The following SMAD4 variants were observed in gnomAD, a reference collection of about 807,000 sequenced individuals.
SMAD4 encodes MAD homolog 4.
Under a neutral mutation model 63.2 loss-of-function variants are expected in SMAD4, and 7 were observed. The observed-to-expected ratio is 0.11, with a 90% CI of 0.06 to 0.21. SMAD4 has a LOEUF of 0.21. SMAD4 is among the 10% of genes least tolerant of loss of function. The probability of loss-of-function intolerance (pLI) is 1.00; values close to 1 mark genes in which losing one functional copy is unlikely to be tolerated. For missense variants in SMAD4, 312 were observed against 693.8 expected (o/e 0.45, Z 6.18); for synonymous variants, 215 against 235.4 (o/e 0.91, Z 0.79).
At position 51,046,911 on chromosome 18, in the gene SMAD4, C is replaced by G; in HGVS notation, c.-127-9C>G. ...TCTGATGTGTGTCTTTTTTTTTTTT[C>G]TTTTTTAGGTTATCCTGAATACATG... On this transcript the variant is annotated splice_polypyrimidine_tract_variant and intron_variant, in intron 1 of 11. Coordinates refer to ENST00000342988, the MANE Select transcript of SMAD4 (RefSeq NM_005359.6). 1.6e-6 allele frequency: 1 copy of G among 618,678 alleles called. No homozygotes were observed. The highest frequency in any genetic ancestry group is 2.7e-6 in the Non-Finnish European group (1 of 374,636). 38.3% of individuals were successfully genotyped at this position (618,678 alleles called of 1,614,324 possible).
rs1166695591 is a variant in SMAD4, at chr18:51,065,586, A to G, written c.1119A>G (p.Thr373=). 6.2e-7 allele frequency: 1 copy of G among 1,614,110 alleles called. No individual in the cohort carries two copies. The highest frequency in any genetic ancestry group is 8.5e-7 in the Non-Finnish European group (1 of 1,180,028). The change falls in exon 9 of 12, where the codon ACA becomes ACG. Residue 373 remains threonine, a synonymous_variant. Coordinates refer to ENST00000342988, the MANE Select transcript of SMAD4 (RefSeq NM_005359.6). ...GTCAACTCTCCAATGTCCACAGGAC[A>G]GAAGCCATTGAGAGAGCAAGGTATT... The part of the protein sequence containing the change: ...CLGQLSNVHR[T]EAIERARLHI...
intron 11 of SMAD4, 127 bp downstream of exon 11, chr18:51,076,903 T>C (rs1910487399): frequency 1.0e-5 from 7 of 689,826 alleles, no homozygotes; most frequent in South Asian, 9.0e-5. Context: ...ATGATGACAT[T>C]TTTGAATTGG....
At chr18:51,034,141 C>T (rs1909131562) in intron 1 of SMAD4, among the ~76,000 whole-genome samples, 1 of 152,022 alleles carries the variant, frequency 6.6e-6, no homozygotes, top group African/African-American at 2.4e-5. Context: ...GTGTTGAATT[C>T]ATCTTTTTAT....
chr18:51,046,433 T>TA (rs2144398494), intron 1 of SMAD4, among the ~76,000 whole-genome samples: 1 of 134,080 alleles, frequency 7.5e-6, no homozygotes, highest in Admixed American at 7.8e-5. Flanking sequence ...ATTTCTAAAT[T>TA]GGGGTTTTTT....
intron 8 of SMAD4, 74 bp downstream of exon 8, chr18:51,059,990 T>C (rs2144434058): frequency 9.0e-7 from 1 of 1,114,688 alleles, no homozygotes; most frequent in South Asian, 1.2e-5. Flanking sequence ...AACACAGGCT[T>C]TAATGGAATT....
intron 10 of SMAD4, among the ~76,000 whole-genome samples, chr18:51,074,624 G>A (rs1286671676): frequency 1.3e-5 from 2 of 152,122 alleles, no homozygotes; most frequent in Non-Finnish European, 1.5e-5. Flanking sequence ...TGTACTTTCT[G>A]CTTAATTGTG....
At chr18:51,074,990 A>G (rs1910435753) in intron 10 of SMAD4, among the ~76,000 whole-genome samples, 2 of 152,174 alleles carry the variant, frequency 1.3e-5, no homozygotes, top group African/African-American at 4.8e-5. Flanking sequence ...GATTACAGGC[A>G]TCTGCCACCA....
chr18:51,058,027 T>A (rs146682057), intron 5 of SMAD4, 98 bp from the exon 6 acceptor site: 2 of 1,405,106 alleles, frequency 1.4e-6, no homozygotes, highest in Non-Finnish European at 2.0e-6. Context: ...ATCTTTATAG[T>A]TGTGCATTAT....
chr18:51,074,635 C>G (rs1396180699), intron 10 of SMAD4, among the ~76,000 whole-genome samples: 2 of 152,144 alleles, frequency 1.3e-5, no homozygotes. Flanking sequence ...CTTAATTGTG[C>G]TGTGAACCTA....
intron 8 of SMAD4, among the ~76,000 whole-genome samples, chr18:51,061,952 A>T (rs1910025731): frequency 6.6e-6 from 1 of 152,170 alleles, no homozygotes; most frequent in African/African-American, 2.4e-5. Context: ...CTTTTCTCAT[A>T]TTTTAGTTTA....
At chr18:51,047,389 T>C in intron 2 of SMAD4, 94 bp downstream of exon 2, 1 of 1,122,086 alleles carries the variant, frequency 8.9e-7, no homozygotes, top group South Asian at 1.2e-5. Context: ...TAATTTAATT[T>C]GTGCTCCATC....
rs540009734 is a variant in SMAD4, at chr18:51,082,288, T to C, written c.*3821T>C. On this transcript the variant is annotated 3_prime_UTR_variant, in exon 12 of 12. Coordinates refer to ENST00000342988, the MANE Select transcript of SMAD4 (RefSeq NM_005359.6). ...TATCTAAATAATCTCATATCCTCTT[T>C]TGCAAAGACTACAGAGAATAGGCTA... is the stretch of plus-strand genomic sequence containing the variant. The C allele has an allele frequency of 4.4e-6, 1 of 228,892 alleles. No homozygotes were observed. The highest frequency in any genetic ancestry group is 6.3e-5 in the East Asian group (1 of 15,944). The allele number at this position is 228,892 out of a possible 1,614,324, so 14.2% of individuals were successfully genotyped here. A position where few individuals can be genotyped will look rare whatever the true frequency, so the allele number is the denominator to read the frequency against.
At chr18:51,050,355 CAA>C (rs555056218) in intron 4 of SMAD4, among the ~76,000 whole-genome samples, 3 of 117,348 alleles carry the variant, frequency 2.6e-5, no homozygotes, top group Non-Finnish European at 3.6e-5. Flanking sequence ...GAAACTGTCT[CAA>C]AAAAAAAAAA....
chr18:51,062,311 A>G (rs1017305930), intron 8 of SMAD4, among the ~76,000 whole-genome samples: 3 of 152,154 alleles, frequency 2.0e-5, no homozygotes, highest in African/African-American at 4.8e-5. Flanking sequence ...TATATAGTCT[A>G]ACATCACTAA....
chr18:51,055,037 A>G, intron 5 of SMAD4, 44 bp downstream of exon 5: 4 of 1,400,922 alleles, frequency 2.9e-6, no homozygotes, highest in Non-Finnish European at 4.1e-6. Flanking sequence ...GAGTTTTCCT[A>G]ATCATTGCTT....
chr18:51,073,406 CACACACACACACA>C (rs1568210389), intron 10 of SMAD4, among the ~76,000 whole-genome samples: 2 of 138,454 alleles, frequency 1.4e-5, no homozygotes, highest in African/African-American at 5.3e-5. Context: ...CACACACACA[CACACACACACACA>C]CACACACACA....
At chr18:51,048,115 T>G (rs531008460) in intron 2 of SMAD4, among the ~76,000 whole-genome samples, 3 of 152,232 alleles carry the variant, frequency 2.0e-5, no homozygotes, top group Non-Finnish European at 4.4e-5. Flanking sequence ...ATTTCAAGAC[T>G]TTACACATAG....
intron 1 of SMAD4, among the ~76,000 whole-genome samples, chr18:51,033,186 A>ATTTT (rs34008927): frequency 1.4e-4 from 17 of 117,314 alleles, no homozygotes; most frequent in African/African-American, 4.2e-4. Context: ...ATAACACAGC[A>ATTTT]TTTTTTTTTT....
intron 1 of SMAD4, among the ~76,000 whole-genome samples, chr18:51,038,067 T>C (rs1909257242): frequency 6.6e-6 from 1 of 152,012 alleles, no homozygotes; most frequent in Non-Finnish European, 1.5e-5. Flanking sequence ...GGTGGGAGAA[T>C]TGCTTTTGGC....
Sources: gnomAD v4.1 joint callset for allele counts (sites outside exome capture counted in the v4.1 genomes callset) on GRCh38, gnomAD v4.1.1 for gene constraint, MANE v1.5 for transcripts, NCBI Gene and HGNC (gene_info 2026-07-23, HGNC 2026-07-21) for gene names.